Variants in NRDC observed in about 807,000 individuals in gnomAD.
NRDC encodes nardilysin.
Under a neutral mutation model 147.1 loss-of-function variants are expected in NRDC, and 54 were observed. The ratio of observed to expected loss-of-function variants is 0.37; its 90% CI spans 0.29 to 0.46. The LOEUF is 0.46. Among genes scored for constraint, NRDC ranks in the 20% least tolerant of loss-of-function variants. The pLI, the probability that NRDC is intolerant of heterozygous loss-of-function variation, is 1.00. For missense variants in NRDC, 1,082 were observed against 1,370.6 expected (o/e 0.79, Z 3.33); for synonymous variants, 440 against 482.1 (o/e 0.91, Z 1.14).
chr1:51,795,124 T>C, intron 22 of NRDC: 1 of 1,412,036 alleles, frequency 7.1e-7, no homozygotes, highest in Non-Finnish European at 9.4e-7. Context: ...AACTTAATTG[T>C]TCAGTGTTGG....
At chr1:51,845,726 A>G (rs1006481681) in intron 1 of NRDC, among the ~76,000 whole-genome samples, 8 of 152,136 alleles carry the variant, frequency 5.3e-5, no homozygotes, top group African/African-American at 1.7e-4. Context: ...ACCATTTATC[A>G]TTACTTGATT....
intron 1 of NRDC, among the ~76,000 whole-genome samples, chr1:51,857,587 G>C (rs1175461638): frequency 6.6e-6 from 1 of 152,162 alleles, no homozygotes; most frequent in African/African-American, 2.4e-5. Context: ...GTAAGTTCTC[G>C]CTGAGATTCT....
rs760047727 is a variant in NRDC at position 51,790,672 on chromosome 1, T to TGCTCAGGTGAGGCAGCA, written c.3052-24_3052-23insTGCTGCCTCACCTGAGC. 4 of 1,537,740 alleles carry TGCTCAGGTGAGGCAGCA rather than the reference T, an allele frequency of 2.6e-6. No homozygotes were observed. The Admixed American group carries it at 6.7e-5, about 26-fold the overall frequency. ...GACCTGTTCCCACCAAAAAGAAAGA[T>TGCTCAGGTGAGGCAGCA]GCTCAGGTGAGGCAACATACCACTT... On this transcript the variant is annotated intron_variant, in intron 28 of 30. Transcript: ENST00000352171.
chr1:51,810,408 G>GT lies in NRDC; in HGVS notation c.1780-5dup. ...GATTCAAGGCTTCACCAATGACCTAGTAAAGTGGGAAGAGGGGAAAGAGAT... is the reference window on the plus strand; with the variant it reads ...GATTCAAGGCTTCACCAATGACCTAGTTAAAGTGGGAAGAGGGGAAAGAGAT... On this transcript the variant is annotated splice_region_variant and splice_polypyrimidine_tract_variant and intron_variant, in intron 15 of 30. Coordinates refer to ENST00000352171, the MANE Select transcript of NRDC (RefSeq NM_001101662.2). The GT allele has an allele frequency of 6.2e-7, 1 of 1,608,726 alleles. No individual in the cohort carries two copies. Among genetic ancestry groups the GT allele is most frequent in the Non-Finnish European group, 8.5e-7 (1 of 1,177,756 alleles).
chr1:51,843,165 T>C (rs1206710516), intron 1 of NRDC, among the ~76,000 whole-genome samples: 2 of 150,636 alleles, frequency 1.3e-5, no homozygotes, highest in African/African-American at 4.9e-5. Flanking sequence ...CCACCAGAAG[T>C]AGACAGCAAT....
Position 51,814,535 on chromosome 1 carries a change from AG to A in NRDC, c.1619+15del. The stretch of plus-strand genomic sequence containing the variant: ...CAGGACTGGCTCCTGGCCTCATTCC[AG>A]GAAGTGTTTATTACCTTTTTTCTGG... On this transcript the variant is annotated intron_variant, in intron 13 of 30. Transcript: ENST00000352171. 6.2e-7 allele frequency: 1 copy of A among 1,611,944 alleles called. No individual in the cohort carries two copies.
intron 1 of NRDC, among the ~76,000 whole-genome samples, chr1:51,875,890 T>A (rs1683303119): frequency 6.6e-6 from 1 of 152,096 alleles, no homozygotes; most frequent in South Asian, 2.1e-4. Flanking sequence ...CCCTCTCTAC[T>A]ATTGTAAGCT....
intron 30 of NRDC, 27 bp from the exon 31 acceptor site, chr1:51,789,460 A>AAAAT (rs1678462321): frequency 6.2e-7 from 1 of 1,612,058 alleles, no homozygotes; most frequent in Non-Finnish European, 8.5e-7. Context: ...ACAAAAGTGA[A>AAAAT]AAATATGCTG....
At chr1:51,806,603 A>G (rs1400796090) in intron 18 of NRDC, among the ~76,000 whole-genome samples, 191 bp downstream of exon 18, 1 of 152,168 alleles carries the variant, frequency 6.6e-6, no homozygotes, top group Non-Finnish European at 1.5e-5. Context: ...AAGTGGAGAA[A>G]TATTTGTTTT....
intron 1 of NRDC, among the ~76,000 whole-genome samples, chr1:51,861,004 C>T (rs1682504756): frequency 2.0e-5 from 3 of 147,302 alleles, no homozygotes; most frequent in Non-Finnish European, 4.4e-5. Flanking sequence ...AGCTGGAATA[C>T]AGTGGCATGA....
chr1:51,790,847 T>G, intron 28 of NRDC, 53 bp downstream of exon 28: 1 of 1,455,386 alleles, frequency 6.9e-7, no homozygotes, highest in Non-Finnish European at 9.5e-7. Context: ...TTAAGATTTG[T>G]ATCTGGGGGC....
rs957220782 is a variant in NRDC, at chr1:51,867,958, C to T, written c.341+10317G>A. ...CAATTACAGCATATTTGTATGCTCC[C>T]GGGGATGATCCAGTAAAAGACAAAC... On this transcript the variant is annotated intron_variant, in intron 1 of 30. Coordinates refer to ENST00000352171, the MANE Select transcript of NRDC (RefSeq NM_001101662.2). Among the ~76,000 whole-genome samples the T allele has an allele frequency of 3.9e-5, 6 of 152,188 alleles. No individual in the cohort carries two copies. The East Asian group carries it at 9.6e-4, about 24-fold the overall frequency.
At chr1:51,840,131 C>T (rs1299081333) in intron 2 of NRDC, 95 bp downstream of exon 2, 1 of 963,462 alleles carries the variant, frequency 1.0e-6, no homozygotes, top group African/African-American at 1.6e-5. Flanking sequence ...CAAAAGATAA[C>T]TATATACTTC....
intron 1 of NRDC, among the ~76,000 whole-genome samples, chr1:51,843,513 C>G (rs1389363920): frequency 6.6e-6 from 1 of 152,110 alleles, no homozygotes; most frequent in Non-Finnish European, 1.5e-5. Context: ...TTTTCTTTGT[C>G]TTGACACTTT....
chr1:51,811,927 A>T, intron 15 of NRDC, 67 bp downstream of exon 15: 1 of 1,017,962 alleles, frequency 9.8e-7, no homozygotes, highest in Non-Finnish European at 1.5e-6. Flanking sequence ...GTTCTTAAAT[A>T]CATCTTCGTA....
Position 51,828,468 on chromosome 1 carries a change from A to G in NRDC, c.867-599T>C, listed in dbSNP as rs74977463. ...GTTTACAGATGACTAAAAACGTTTC[A>G]GTTAAAAGTTAAATTAGAATTTTAA... On this transcript the variant is annotated intron_variant, in intron 4 of 30. Coordinates refer to ENST00000352171, the MANE Select transcript of NRDC (RefSeq NM_001101662.2). Among the ~76,000 whole-genome samples, 74 of 152,240 alleles carry G rather than the reference A, an allele frequency of 4.9e-4. 4 individuals are homozygous for G. The East Asian group carries it at 0.014, about 28-fold the overall frequency.
chr1:51,845,021 C>A (rs34738686), intron 1 of NRDC, among the ~76,000 whole-genome samples: 6,857 of 152,248 alleles, frequency 0.045, 189 homozygotes, highest in Middle Eastern at 0.065. Context: ...CAAAATTCAT[C>A]ATTGGCTTCC....
At chr1:51,795,312 G>T in intron 22 of NRDC, 2 of 850,902 alleles carry the variant, frequency 2.4e-6, no homozygotes, top group Non-Finnish European at 1.6e-6. Flanking sequence ...TAAATGGAGG[G>T]ATTAGCTCTT....
intron 1 of NRDC, among the ~76,000 whole-genome samples, chr1:51,844,133 T>C (rs550722948): frequency 6.6e-6 from 1 of 152,140 alleles, no homozygotes; most frequent in South Asian, 2.1e-4. Context: ...CTGGCTATAC[T>C]CGCCTCCACC....
Sources: allele counts gnomAD v4.1 joint callset (sites outside exome capture counted in the v4.1 genomes callset), GRCh38; gene constraint gnomAD v4.1.1; transcripts MANE v1.5; gene names NCBI Gene and HGNC (gene_info 2026-07-23, HGNC 2026-07-21).